SP2: variants seen among roughly 807,000 people sequenced by gnomAD.
The protein encoded by SP2 is Sp2 transcription factor.
A neutral mutation model predicts 50.1 loss-of-function variants in SP2; 9 were observed. The ratio of observed to expected loss-of-function variants is 0.18; its 90% CI spans 0.11 to 0.31. The LOEUF (loss-of-function observed/expected upper bound fraction) is 0.31, where lower values mean the gene tolerates loss of function less well. Among genes scored for constraint, SP2 ranks in the 10% least tolerant of loss-of-function variants. The probability of loss-of-function intolerance (pLI) is 1.00; values close to 1 mark genes in which losing one functional copy is unlikely to be tolerated. For synonymous variants in SP2, 313 were observed against 326.6 expected, an observed-to-expected ratio of 0.96 and a Z score of 0.45; for missense variants, 581 against 806.5, an observed-to-expected ratio of 0.72 and a Z score of 3.39.
In SP2 at chr17:47,923,081, T is replaced by A; in HGVS notation, c.1179T>A (p.His393Gln). The change falls in exon 4 of 7, where the codon CAT becomes CAA. Residue 393 changes from histidine to glutamine, a missense_variant. Around this residue, in one of 2 missense-constraint regions of SP2, gnomAD observed 184 missense variants for 315.5 expected, o/e 0.58. Transcript: ENST00000376741. Reference sequence around the variant, plus strand: ...GCAGCCCTGCATCCCGTGCTCCCCATCTGAGTGGGACCAGCAAAAAGCACT... The same window carrying A: ...GCAGCCCTGCATCCCGTGCTCCCCAACTGAGTGGGACCAGCAAAAAGCACT... ...TCSSPASRAP[H>Q]LSGTSKKHSA... 1.5e-5 allele frequency: 24 copies of A among 1,614,188 alleles called. No homozygotes were observed. Among genetic ancestry groups the A allele is most frequent in the Non-Finnish European group, 2.0e-5 (24 of 1,180,038 alleles).
downstream of SP2, chr17:47,929,057 C>T (rs1045417584): frequency 2.6e-5 from 4 of 152,634 alleles, no homozygotes; most frequent in African/African-American, 9.6e-5. Context: ...ACACTGGGAC[C>T]AAGGTAGGAC....
chr17:47,922,744 A>C (rs1006566904), intron 3 of SP2, among the ~76,000 whole-genome samples: 23 of 152,204 alleles, frequency 1.5e-4, no homozygotes, highest in African/African-American at 5.6e-4. Context: ...AGTAAATTCA[A>C]CGTTTGGTTT....
In SP2 at chr17:47,916,034, T is replaced by C. The variant is rs2035187601; in HGVS notation, c.85-122T>C. ...CAAGCAGGGGAGGGTACTGGCAACA[T>C]GCCTGCCCCGGAGGTGGGGAAGACT... On this transcript the variant is annotated intron_variant, in intron 2 of 6. Coordinates refer to ENST00000376741, the MANE Select transcript of SP2 (RefSeq NM_003110.6). The surrounding 1 kb of genome is among the most constrained non-coding windows in gnomAD (Gnocchi z 4.7). 1 of 1,190,528 alleles carries C rather than the reference T, an allele frequency of 8.4e-7. No individual in the cohort carries two copies. The highest frequency in any genetic ancestry group is 1.2e-6 in the Non-Finnish European group (1 of 848,776). The allele number at this position is 1,190,528 out of a possible 1,614,324, so 73.7% of individuals were successfully genotyped here.
rs1356509975 is a variant in SP2, at chr17:47,925,370, A to C, written c.1570A>C (p.Lys524Gln). ...CAGGTCTGGAGAGCAGGGCAAGAAG[A>C]AGCACGTGTGCCACATCCCCGACTG... ...EKRSGEQGKK[K>Q]HVCHIPDCGK... Residue 524 changes from lysine to glutamine, a missense_variant, in exon 6 of 7, where the codon AAG becomes CAG. Transcript: ENST00000376741. 1 of 1,613,960 alleles carries C rather than the reference A, an allele frequency of 6.2e-7. No individual in the cohort carries two copies. Among genetic ancestry groups the C allele is most frequent in the Non-Finnish European group, 8.5e-7 (1 of 1,179,904 alleles).
intron 2 of SP2, among the ~76,000 whole-genome samples, 190 bp from the exon 3 acceptor site, chr17:47,915,966 C>G (rs934895287): frequency 2.0e-5 from 3 of 152,226 alleles, no homozygotes; most frequent in East Asian, 3.9e-4. Context: ...ACCTTTTCTC[C>G]CTCACTTAAT....
At chr17:47,907,686 C>T (rs1161711508) in intron 1 of SP2, among the ~76,000 whole-genome samples, 4 of 152,186 alleles carry the variant, frequency 2.6e-5, no homozygotes, top group South Asian at 2.1e-4. Context: ...CCAAGTGGCA[C>T]TATTAAAATG....
intron 1 of SP2, among the ~76,000 whole-genome samples, chr17:47,913,606 C>G (rs2035075260): frequency 2.0e-5 from 3 of 152,110 alleles, no homozygotes; most frequent in Admixed American, 2.0e-4. Context: ...CGGGGTCTAA[C>G]TGTGTTGCTT....
chr17:47,919,283 A>T (rs1422252362), intron 3 of SP2, among the ~76,000 whole-genome samples: 1 of 152,124 alleles, frequency 6.6e-6, no homozygotes, highest in African/African-American at 2.4e-5. Context: ...GGTGCTACAC[A>T]CCTGTAGTCC....
Position 47,916,435 on chromosome 17 carries a change from A to G in SP2, c.364A>G (p.Lys122Glu). The change falls in exon 3 of 7, where the codon AAA (lysine) becomes GAA (glutamate). Residue 122 changes from lysine (K) to glutamate (E), a missense_variant. Coordinates refer to ENST00000376741, the MANE Select transcript of SP2 (RefSeq NM_003110.6). This position sits in a 1 kb window ranked among gnomAD's most constrained non-coding sequence, Gnocchi z 4.7. Reference sequence around the variant, plus strand: ...TATCCAGAATCCCACCATGATCAACAAAGGGACCCGATCAAATGCCAATAT... The same window carrying G: ...TATCCAGAATCCCACCATGATCAACGAAGGGACCCGATCAAATGCCAATAT... ...FAIQNPTMIN[K>E]GTRSNANIQY... 2 of 1,614,098 alleles carry G rather than the reference A, an allele frequency of 1.2e-6. No individual in the cohort carries two copies. Among genetic ancestry groups the G allele is most frequent in the Non-Finnish European group, 1.7e-6 (2 of 1,180,004 alleles).
downstream of SP2, among the ~76,000 whole-genome samples, chr17:47,931,475 T>C (rs1183401839): frequency 6.6e-6 from 1 of 152,154 alleles, no homozygotes; most frequent in Non-Finnish European, 1.5e-5. Context: ...AGATAAGGGT[T>C]CAGATCTATC....
At chr17:47,903,491 C>T (rs1354444535) in intron 1 of SP2, among the ~76,000 whole-genome samples, 1 of 151,042 alleles carries the variant, frequency 6.6e-6, no homozygotes, top group Non-Finnish European at 1.5e-5. Context: ...CATGGTGAAA[C>T]CCCAACTCTA....
chr17:47,906,903 A>G (rs768226508), intron 1 of SP2, among the ~76,000 whole-genome samples: 2 of 152,162 alleles, frequency 1.3e-5, no homozygotes, highest in Non-Finnish European at 2.9e-5. Flanking sequence ...GCGAGTAGGC[A>G]TGGTCACCCA....
rs2035714797 is a variant in SP2 at position 47,927,939 on chromosome 17, T to G, written c.*115T>G. 3 of 669,044 alleles carry G rather than the reference T, an allele frequency of 4.5e-6. No homozygotes were observed. In the South Asian group the frequency reaches 5.1e-5, roughly 11 times the overall value. The allele number at this position is 669,044 out of a possible 1,614,324, so 41.4% of individuals were successfully genotyped here. On this transcript the variant is annotated 3_prime_UTR_variant, in exon 7 of 7. Transcript: ENST00000376741. ...GGGCCTGCCCTCAGCCCCACTCCTG[T>G]TCTGCAACTGTCCCCACAGGAAGGG...
At position 47,917,117 on chromosome 17, in the gene SP2, C is replaced by T. The variant is rs756490026; in HGVS notation, c.1046C>T (p.Pro349Leu). ...AACTTTCAGATCCAGGCAGCTGAGC[C>T]GACACCTACTCAGGTACCACACTCC... The part of the protein sequence containing the change: ...SQNFQIQAAE[P>L]TPTQVYIRTP... Residue 349 changes from proline (P) to leucine (L), a missense_variant, in exon 3 of 7, where the codon CCG (proline) becomes CTG (leucine). Transcript: ENST00000376741. 2.2e-5 allele frequency: 35 copies of T among 1,609,162 alleles called. No homozygotes were observed. The highest frequency in any genetic ancestry group is 1.4e-4 in the South Asian group (13 of 90,424).
chr17:47,915,822 T>C (rs2035178729), intron 2 of SP2, among the ~76,000 whole-genome samples: 1 of 152,130 alleles, frequency 6.6e-6, no homozygotes, highest in African/African-American at 2.4e-5. Context: ...GCTAACAAAC[T>C]CCATCTGAGA....
At chr17:47,905,379 T>A (rs1048832696) in intron 1 of SP2, among the ~76,000 whole-genome samples, 4 of 152,012 alleles carry the variant, frequency 2.6e-5, no homozygotes, top group African/African-American at 9.7e-5. Context: ...AGTGTGAAAT[T>A]CCTCCAGGGG....
chr17:47,923,212 A>G lies in SP2; in HGVS notation c.1310A>G (p.Gln437Arg). The stretch of plus-strand genomic sequence containing the variant: ...TTGGCGGCAGCTGCCCAGGCAATGC[A>G]GACCATCAACATCAATGGTGTCCAG... ...AQLAAAAQAM[Q>R]TININGVQVQ... The change falls in exon 4 of 7, where the codon CAG (glutamine) becomes CGG (arginine). Residue 437 changes from glutamine to arginine, a missense_variant. Physicochemically the swap from Gln to Arg is conservative, Grantham distance 43. Around this residue, in one of 2 missense-constraint regions of SP2, gnomAD observed 184 missense variants for 315.5 expected, o/e 0.58. Coordinates refer to ENST00000376741, the MANE Select transcript of SP2 (RefSeq NM_003110.6). 2 of 1,612,852 alleles carry G rather than the reference A, an allele frequency of 1.2e-6. No homozygotes were observed. Among genetic ancestry groups the G allele is most frequent in the South Asian group, 1.1e-5 (1 of 91,086 alleles).
intron 3 of SP2, among the ~76,000 whole-genome samples, chr17:47,922,201 C>T (rs1410630240): frequency 2.0e-5 from 3 of 152,166 alleles, no homozygotes. Flanking sequence ...CATTAGCTCT[C>T]CCATAGAGAC....
rs1336606091 is a variant in SP2, at chr17:47,916,877, T to C, written c.806T>C (p.Leu269Pro). 1.2e-6 allele frequency: 2 copies of C among 1,614,156 alleles called. No homozygotes were observed. Among genetic ancestry groups the C allele is most frequent in the Middle Eastern group, 1.6e-4 (1 of 6,062 alleles). ...VAVAEQVETV[L>P]IETTADNIIQ... Reference sequence around the variant, plus strand: ...GTGGCTGAGCAGGTGGAGACGGTGCTGATCGAGACCACCGCGGACAACATC... The same window carrying C: ...GTGGCTGAGCAGGTGGAGACGGTGCCGATCGAGACCACCGCGGACAACATC... The change falls in exon 3 of 7, where the codon CTG becomes CCG. Residue 269 changes from leucine to proline, a missense_variant. Around this residue, in one of 2 missense-constraint regions of SP2, gnomAD observed 397 missense variants for 491.0 expected, o/e 0.81. Coordinates refer to ENST00000376741, the MANE Select transcript of SP2 (RefSeq NM_003110.6). The surrounding 1 kb of genome is among the most constrained non-coding windows in gnomAD (Gnocchi z 4.7).
Sources: gnomAD v4.1 joint callset for allele counts (sites outside exome capture counted in the v4.1 genomes callset) on GRCh38, gnomAD v4.1.1 for gene constraint, gnomAD v4.1.1 regional missense constraint, Gnocchi (gnomAD v3.1) non-coding constraint, MANE v1.5 for transcripts, NCBI Gene and HGNC (gene_info 2026-07-23, HGNC 2026-07-21) for gene names.